GUCA1C: variants seen among roughly 807,000 people sequenced by gnomAD.
GUCA1C encodes the protein guanylyl cyclase-activating protein 3.
GUCA1C carries 15 observed loss-of-function variants against 16.2 expected under a neutral mutation model. The ratio of observed to expected loss-of-function variants is 0.93; its 90% CI spans 0.62 to 1.43. The LOEUF (loss-of-function observed/expected upper bound fraction) is 1.43. Among genes scored for constraint, GUCA1C ranks in the 40% most tolerant of loss-of-function variants. The pLI, the probability that GUCA1C is intolerant of heterozygous loss-of-function variation, is 0.00. For synonymous variants in GUCA1C, 78 were observed against 85.4 expected, an observed-to-expected ratio of 0.91 and a Z score of 0.48; for missense variants, 275 against 244.8, an observed-to-expected ratio of 1.12 and a Z score of -0.82.
intron 1 of GUCA1C, among the ~76,000 whole-genome samples, chr3:108,932,924 C>CAAAAAAA (rs57918246): frequency 4.4e-5 from 3 of 68,652 alleles, no homozygotes; most frequent in Non-Finnish European, 9.3e-5. Flanking sequence ...AAAAAAATCT[C>CAAAAAAA]AAAAAAAAAA....
At chr3:108,927,921 G>A (rs1440175753) in intron 1 of GUCA1C, among the ~76,000 whole-genome samples, 3 of 152,166 alleles carry the variant, frequency 2.0e-5, no homozygotes, top group African/African-American at 4.8e-5. Context: ...TTGATGTGAT[G>A]TTCTCCCCCT....
chr3:108,934,597 C>G (rs1198804322), intron 1 of GUCA1C, among the ~76,000 whole-genome samples: 1 of 152,102 alleles, frequency 6.6e-6, no homozygotes, highest in Non-Finnish European at 1.5e-5. Context: ...CTCACAATAG[C>G]AAAGACAAGG....
At position 108,953,719 on chromosome 3, in the gene GUCA1C, G is replaced by A; in HGVS notation, c.44C>T (p.Pro15Leu). The A allele has an allele frequency of 1.9e-6, 3 of 1,613,482 alleles. No individual in the cohort carries two copies. Among genetic ancestry groups the A allele is most frequent in the East Asian group, 2.2e-5 (1 of 44,860 alleles). Residue 15 changes from proline to leucine, a missense_variant, in exon 1 of 4, where the codon CCT (proline) becomes CTT (leucine). Coordinates refer to ENST00000261047, the MANE Select transcript of GUCA1C (RefSeq NM_005459.4). ...KSIAGDQKAV[P>L]TQETHVWYRT... ...GTACCACACATGGGTCTCTTGTGTA[G>A]GAACTGCTTTCTGATCACCAGCTAT...
chr3:108,954,032 T>C (rs1946926365), upstream of GUCA1C: 1 of 454,290 alleles, frequency 2.2e-6, no homozygotes, highest in Non-Finnish European at 4.0e-6. Flanking sequence ...ACACGCAATA[T>C]TTTAGAGAGG....
At chr3:108,950,720 T>A (rs1391657251) in intron 1 of GUCA1C, among the ~76,000 whole-genome samples, 1 of 152,162 alleles carries the variant, frequency 6.6e-6, no homozygotes, top group African/African-American at 2.4e-5. Flanking sequence ...AAAGCCAGGT[T>A]AGAAATGGCA....
chr3:108,933,410 G>A (rs527281469), intron 1 of GUCA1C, among the ~76,000 whole-genome samples: 1 of 152,270 alleles, frequency 6.6e-6, no homozygotes, highest in African/African-American at 2.4e-5. Flanking sequence ...TTTAATGGGG[G>A]GCTAGGGGAG....
chr3:108,922,773 T>C (rs1389203888), intron 1 of GUCA1C, among the ~76,000 whole-genome samples: 1 of 152,084 alleles, frequency 6.6e-6, no homozygotes, highest in Non-Finnish European at 1.5e-5. Flanking sequence ...GCTGCACCCA[T>C]CAACCCATCA....
At chr3:108,947,998 C>A (rs561473047) in intron 1 of GUCA1C, among the ~76,000 whole-genome samples, 1 of 152,302 alleles carries the variant, frequency 6.6e-6, no homozygotes, top group East Asian at 1.9e-4. Context: ...TCTTCCTTCT[C>A]AAACGGGATT....
At chr3:108,932,303 C>A (rs1157347008) in intron 1 of GUCA1C, among the ~76,000 whole-genome samples, 2 of 117,154 alleles carry the variant, frequency 1.7e-5, no homozygotes, top group Non-Finnish European at 1.7e-5. Flanking sequence ...ATGAAACATG[C>A]AGATTCCTAG....
intron 2 of GUCA1C, among the ~76,000 whole-genome samples, chr3:108,917,523 A>T (rs919847300): frequency 1.3e-5 from 2 of 151,430 alleles, no homozygotes; most frequent in African/African-American, 4.9e-5. Flanking sequence ...TACTATATGC[A>T]CTCTTTCTTC....
chr3:108,936,254 C>T (rs959096859), intron 1 of GUCA1C, among the ~76,000 whole-genome samples: 3 of 151,072 alleles, frequency 2.0e-5, no homozygotes, highest in Non-Finnish European at 3.0e-5. Flanking sequence ...AGAGTGAGAC[C>T]CTGTCTCGAA....
At chr3:108,919,898 G>A (rs529224104) in intron 2 of GUCA1C, among the ~76,000 whole-genome samples, 3 of 152,084 alleles carry the variant, frequency 2.0e-5, no homozygotes, top group African/African-American at 7.2e-5. Flanking sequence ...GATCTTTGTT[G>A]TTTCATACCA....
At chr3:108,944,993 C>A (rs1946829585) in intron 1 of GUCA1C, among the ~76,000 whole-genome samples, 1 of 152,198 alleles carries the variant, frequency 6.6e-6, no homozygotes, top group Non-Finnish European at 1.5e-5. Flanking sequence ...AGGATGAGTG[C>A]AGGGCCAGGT....
At chr3:108,947,796 C>A (rs892210088) in intron 1 of GUCA1C, among the ~76,000 whole-genome samples, 1 of 152,104 alleles carries the variant, frequency 6.6e-6, no homozygotes, top group Non-Finnish European at 1.5e-5. Flanking sequence ...GGAAAATTTT[C>A]ATAATAAAAA....
intron 1 of GUCA1C, among the ~76,000 whole-genome samples, chr3:108,926,504 G>A (rs371012284): frequency 6.6e-5 from 10 of 152,236 alleles, no homozygotes; most frequent in East Asian, 3.9e-4. Context: ...TTTTTGAGAC[G>A]GAGTCTCGCT....
At chr3:108,929,154 T>A (rs1047622544) in intron 1 of GUCA1C, among the ~76,000 whole-genome samples, 1 of 152,034 alleles carries the variant, frequency 6.6e-6, no homozygotes, top group African/African-American at 2.4e-5. Flanking sequence ...TTGTACAGAT[T>A]TTGTTAGATT....
At chr3:108,949,644 G>A (rs1311125890) in intron 1 of GUCA1C, among the ~76,000 whole-genome samples, 1 of 152,124 alleles carries the variant, frequency 6.6e-6, no homozygotes, top group Non-Finnish European at 1.5e-5. Context: ...TATAAAATAG[G>A]TTCCATTACC....
At chr3:108,939,739 A>T (rs1210825624) in intron 1 of GUCA1C, among the ~76,000 whole-genome samples, 1 of 152,066 alleles carries the variant, frequency 6.6e-6, no homozygotes, top group Non-Finnish European at 1.5e-5. Flanking sequence ...CATGGCACAC[A>T]TATAGACGGC....
chr3:108,949,009 G>A (rs985209854), intron 1 of GUCA1C, among the ~76,000 whole-genome samples: 16 of 152,008 alleles, frequency 1.1e-4, no homozygotes, highest in East Asian at 3.9e-4. Flanking sequence ...CACCACGCCC[G>A]GCTAATTTTT....
Sources: gnomAD v4.1 joint callset for allele counts (sites outside exome capture counted in the v4.1 genomes callset) on GRCh38, gnomAD v4.1.1 for gene constraint, MANE v1.5 for transcripts, NCBI Gene and HGNC (gene_info 2026-07-23, HGNC 2026-07-21) for gene names.